Variants in GPC5 observed in about 807,000 individuals in gnomAD.
GPC5 encodes the protein glypican 5.
In GPC5, 47 loss-of-function variants were observed where a neutral mutation model predicts 53.9. The ratio of observed to expected loss-of-function variants is 0.87; its 90% CI spans 0.69 to 1.11. The LOEUF is 1.11. GPC5 is among the 50% of genes most tolerant of loss of function. GPC5 has a pLI of 0.00. For missense variants in GPC5, 748 were observed against 713.1 expected (o/e 1.05, Z -0.56); for synonymous variants, 286 against 263.3 (o/e 1.09, Z -0.84).
At chr13:91,405,754 G>A (rs923857159) in intron 1 of GPC5, among the ~76,000 whole-genome samples, 1 of 152,120 alleles carries the variant, frequency 6.6e-6, no homozygotes, top group African/African-American at 2.4e-5. Flanking sequence ...TTGGTTTAAT[G>A]TTCTCTTGTC....
chr13:92,639,870 G>A (rs2139147156), intron 7 of GPC5, among the ~76,000 whole-genome samples: 1 of 152,156 alleles, frequency 6.6e-6, no homozygotes, highest in Non-Finnish European at 1.5e-5. Flanking sequence ...TCATAGACAT[G>A]AATGGGAAAA....
intron 7 of GPC5, among the ~76,000 whole-genome samples, chr13:92,157,753 T>A (rs2041956117): frequency 6.6e-6 from 1 of 152,196 alleles, no homozygotes; most frequent in East Asian, 1.9e-4. Flanking sequence ...TCCTCTTTTG[T>A]GAATTTATTC....
intron 7 of GPC5, among the ~76,000 whole-genome samples, chr13:92,428,210 G>C (rs556136134): frequency 2.0e-5 from 3 of 152,060 alleles, no homozygotes; most frequent in East Asian, 1.9e-4. Context: ...AATGGATGTG[G>C]CTCTGCTGAT....
rs575801098 is a variant in GPC5 at position 91,864,640 on chromosome 13, TAATA to T, written c.1281-43296_1281-43293del. On this transcript the variant is annotated intron_variant, in intron 5 of 7. Coordinates refer to ENST00000377067, the MANE Select transcript of GPC5 (RefSeq NM_004466.6). Reference sequence around the variant, plus strand: ...AAGTTGTTTAAGTTTTACTTTTAAGTAATATTAATTACCACTACAACATTAAAAG... The same window carrying T: ...AAGTTGTTTAAGTTTTACTTTTAAGTTTAATTACCACTACAACATTAAAAG... Among the ~76,000 whole-genome samples, 807 of 152,274 alleles carry T rather than the reference TAATA, an allele frequency of 5.3e-3. 3 individuals carry two copies. Among genetic ancestry groups the T allele is most frequent in the African/African-American group, 0.019 (774 of 41,560 alleles).
intron 7 of GPC5, among the ~76,000 whole-genome samples, chr13:92,675,041 G>A (rs1353961245): frequency 6.6e-6 from 1 of 151,934 alleles, no homozygotes; most frequent in Non-Finnish European, 1.5e-5. Flanking sequence ...ATTTTTGTAT[G>A]TATAAAACCA....
intron 5 of GPC5, among the ~76,000 whole-genome samples, chr13:91,835,994 T>C (rs2138863538): frequency 6.6e-6 from 1 of 152,150 alleles, no homozygotes; most frequent in African/African-American, 2.4e-5. Context: ...TTTACTAAAG[T>C]CTTTACCTGC....
chr13:92,312,801 T>C (rs552012195), intron 7 of GPC5, among the ~76,000 whole-genome samples: 1 of 152,204 alleles, frequency 6.6e-6, no homozygotes, highest in African/African-American at 2.4e-5. Flanking sequence ...TCTCTTGAAT[T>C]ACATTTTTGA....
chr13:91,865,031 C>T (rs1411964994), intron 5 of GPC5, among the ~76,000 whole-genome samples: 1 of 151,866 alleles, frequency 6.6e-6, no homozygotes, highest in Non-Finnish European at 1.5e-5. Context: ...CAGCCTCCAG[C>T]CTCCTGAGTA....
intron 2 of GPC5, among the ~76,000 whole-genome samples, chr13:91,586,551 TATATATATATGTAG>T (rs2032594140): frequency 2.5e-5 from 1 of 39,612 alleles, no homozygotes; most frequent in African/African-American, 2.3e-4. Context: ...TATATATATA[TATATATATATGTAG>T]AGAGAGAGAG....
At chr13:92,663,848 CACACACACTATATATA>C (rs1886459043) in intron 7 of GPC5, among the ~76,000 whole-genome samples, 25 of 118,040 alleles carry the variant, frequency 2.1e-4, no homozygotes, top group Admixed American at 6.2e-4. Flanking sequence ...TATATATACA[CACACACACTATATATA>C]TATATATATA....
At chr13:92,035,599 G>A (rs1359706688) in intron 6 of GPC5, among the ~76,000 whole-genome samples, 1 of 151,976 alleles carries the variant, frequency 6.6e-6, no homozygotes, top group Non-Finnish European at 1.5e-5. Flanking sequence ...CAGGAAATGA[G>A]ATTAGCCATT....
intron 5 of GPC5, among the ~76,000 whole-genome samples, chr13:91,890,570 C>T (rs2039374224): frequency 6.6e-6 from 1 of 152,120 alleles, no homozygotes; most frequent in Non-Finnish European, 1.5e-5. Context: ...GGCACTCAGG[C>T]TTCCTGGAGT....
chr13:92,283,706 C>T (rs1156463331), intron 7 of GPC5, among the ~76,000 whole-genome samples: 1 of 152,290 alleles, frequency 6.6e-6, no homozygotes, highest in Non-Finnish European at 1.5e-5. Flanking sequence ...AGAACAAAGA[C>T]ACAACATACC....
At chr13:91,676,292 A>G (rs1327516494) in intron 2 of GPC5, among the ~76,000 whole-genome samples, 16 of 152,046 alleles carry the variant, frequency 1.1e-4, no homozygotes, top group Admixed American at 1.0e-3. Flanking sequence ...GCTGGTCTTG[A>G]ACTCCTGGGC....
intron 7 of GPC5, among the ~76,000 whole-genome samples, chr13:92,844,468 G>C (rs1234806837): frequency 1.3e-5 from 2 of 152,074 alleles, no homozygotes; most frequent in Admixed American, 6.6e-5. Context: ...AACCGGAGTA[G>C]AAACTTAAAA....
At chr13:91,524,248 T>G (rs982634431) in intron 2 of GPC5, among the ~76,000 whole-genome samples, 1 of 152,116 alleles carries the variant, frequency 6.6e-6, no homozygotes, top group African/African-American at 2.4e-5. Context: ...CTGTACATCT[T>G]TGGACTCTTG....
chr13:92,661,805 A>G (rs1886353323), intron 7 of GPC5, among the ~76,000 whole-genome samples: 1 of 152,186 alleles, frequency 6.6e-6, no homozygotes, highest in African/African-American at 2.4e-5. Context: ...TTAAATCGTC[A>G]TTAGAGTAAG....
intron 7 of GPC5, among the ~76,000 whole-genome samples, chr13:92,382,078 G>T (rs1355411146): frequency 6.6e-6 from 1 of 151,276 alleles, no homozygotes. Context: ...ACCTGGATGA[G>T]ATTGGAGGCT....
At chr13:92,859,323 TTAATC>T (rs1396683107) in intron 7 of GPC5, among the ~76,000 whole-genome samples, 1 of 152,140 alleles carries the variant, frequency 6.6e-6, no homozygotes, top group African/African-American at 2.4e-5. Context: ...TTCTTTAAAA[TTAATC>T]TAATGTTTTG....
Sources: gnomAD v4.1 joint callset for allele counts (sites outside exome capture counted in the v4.1 genomes callset) on GRCh38, gnomAD v4.1.1 for gene constraint, MANE v1.5 for transcripts, NCBI Gene and HGNC (gene_info 2026-07-23, HGNC 2026-07-21) for gene names.